CSMD1: variants seen among roughly 807,000 people sequenced by gnomAD.
The protein encoded by CSMD1 is CUB and sushi domain-containing protein 1.
A neutral mutation model predicts 417.5 loss-of-function variants in CSMD1; 213 were observed. That is an observed-to-expected ratio of 0.51 (90% CI 0.46 to 0.57). The LOEUF (loss-of-function observed/expected upper bound fraction) is 0.57, where lower values mean the gene tolerates loss of function less well. Ranked by LOEUF, CSMD1 falls within the 20% of genes least tolerant of loss-of-function variation. The probability of loss-of-function intolerance (pLI) is 0.00; values close to 1 mark genes in which losing one functional copy is unlikely to be tolerated. For synonymous variants in CSMD1, 2,862 were observed against 1,736.8 expected (o/e 1.65, Z -16.11); for missense variants, 6,923 against 4,529.7 (o/e 1.53, Z -15.17).
At chr8:4,449,345 TC>T (rs1267881334) in intron 2 of CSMD1, among the ~76,000 whole-genome samples, 1 of 152,162 alleles carries the variant, frequency 6.6e-6, no homozygotes, top group Non-Finnish European at 1.5e-5. Context: ...GTTTTAAGCC[TC>T]CCCCTCTCTT....
chr8:4,719,451 C>G (rs1808909361), intron 1 of CSMD1, among the ~76,000 whole-genome samples: 1 of 152,078 alleles, frequency 6.6e-6, no homozygotes, highest in Non-Finnish European at 1.5e-5. Flanking sequence ...GCATTTGCTG[C>G]TTCCTTTCTT....
intron 1 of CSMD1, among the ~76,000 whole-genome samples, chr8:4,767,052 T>C (rs953138471): frequency 1.3e-5 from 2 of 152,184 alleles, no homozygotes; most frequent in East Asian, 1.9e-4. Context: ...TTTCAGGAAA[T>C]ACTGCTTTAT....
chr8:4,335,778 A>G (rs533496487), intron 3 of CSMD1, among the ~76,000 whole-genome samples: 1 of 152,210 alleles, frequency 6.6e-6, no homozygotes, highest in South Asian at 2.1e-4. Context: ...CCTGAAGAGG[A>G]ACATACCACG....
chr8:4,295,498 A>G (rs956417695), intron 3 of CSMD1, among the ~76,000 whole-genome samples: 2 of 122,488 alleles, frequency 1.6e-5, no homozygotes, highest in African/African-American at 6.1e-5. Context: ...GATTAAATAT[A>G]TCTTATACAC....
At chr8:3,434,892 G>C (rs1161752524) in intron 12 of CSMD1, among the ~76,000 whole-genome samples, 1 of 152,200 alleles carries the variant, frequency 6.6e-6, no homozygotes, top group Non-Finnish European at 1.5e-5. Context: ...GAAATATCGG[G>C]AATACTTGTG....
intron 1 of CSMD1, among the ~76,000 whole-genome samples, chr8:4,882,537 T>G (rs1469873094): frequency 6.6e-6 from 1 of 151,760 alleles, no homozygotes; most frequent in Admixed American, 6.6e-5. Flanking sequence ...ATGGTTTCTG[T>G]CCGTGGCCTC....
intron 2 of CSMD1, among the ~76,000 whole-genome samples, chr8:4,459,875 A>T (rs1006514259): frequency 5.3e-5 from 8 of 152,320 alleles, no homozygotes; most frequent in African/African-American, 1.7e-4. Flanking sequence ...CTCAAAATAT[A>T]TAAAACAGAA....
rs1164168576 is a variant in CSMD1, at chr8:4,565,818, TAC to T, written c.302+71522_302+71523del. Among the ~76,000 whole-genome samples, 9 of 144,602 alleles carry T rather than the reference TAC, an allele frequency of 6.2e-5. No homozygotes were observed. The Admixed American group carries it at 6.3e-4, about 10-fold the overall frequency. The allele number at this position is 144,602 out of a possible 152,430, so 94.9% of individuals were successfully genotyped here. On this transcript the variant is annotated intron_variant, in intron 2 of 69. Transcript: ENST00000635120. ...TATATGTATACATATATATATTATA[TAC>T]ACACAGACACGCACACACACACAAA...
At position 3,263,206 on chromosome 8, in the gene CSMD1, C is replaced by T. The variant is rs538991634; in HGVS notation, c.4153+20938G>A. Among the ~76,000 whole-genome samples, 42 of 152,316 alleles carry T rather than the reference C, an allele frequency of 2.8e-4. No homozygotes were observed. The South Asian group carries it at 3.1e-3, about 11-fold the overall frequency. ...CCCTGCCTCCTGGGTTCAAGCGATT[C>T]TCCTGCCTCAGCCTCCCGAGTACCT... On this transcript the variant is annotated intron_variant, in intron 26 of 69. Transcript: ENST00000635120.
chr8:4,429,726 C>G (rs537338311), intron 2 of CSMD1, among the ~76,000 whole-genome samples: 2 of 152,146 alleles, frequency 1.3e-5, no homozygotes, highest in African/African-American at 4.8e-5. Flanking sequence ...AGAAGTGGGT[C>G]TCCTGTAACC....
At chr8:3,595,704 G>C (rs577278949) in intron 8 of CSMD1, among the ~76,000 whole-genome samples, 9 of 152,298 alleles carry the variant, frequency 5.9e-5, no homozygotes, top group African/African-American at 9.6e-5. Context: ...TTTTGTGTGA[G>C]GGAATTTGAT....
At chr8:3,531,418 A>C (rs2117510126) in intron 10 of CSMD1, among the ~76,000 whole-genome samples, 1 of 152,286 alleles carries the variant, frequency 6.6e-6, no homozygotes, top group East Asian at 1.9e-4. Flanking sequence ...CAATAGTAAC[A>C]TTATTCTATA....
intron 1 of CSMD1, among the ~76,000 whole-genome samples, chr8:4,741,779 G>A (rs1391775885): frequency 6.6e-6 from 1 of 152,028 alleles, no homozygotes; most frequent in Admixed American, 6.6e-5. Flanking sequence ...CCTGCAGGAT[G>A]CAAATCTGCT....
chr8:3,929,388 G>A (rs1320976798), intron 5 of CSMD1, among the ~76,000 whole-genome samples: 1 of 150,498 alleles, frequency 6.6e-6, no homozygotes, highest in Non-Finnish European at 1.5e-5. Context: ...AATGTTCACA[G>A]CCAAGGGTGA....
At chr8:4,128,020 C>A (rs750062537) in intron 3 of CSMD1, among the ~76,000 whole-genome samples, 1 of 152,184 alleles carries the variant, frequency 6.6e-6, no homozygotes, top group Non-Finnish European at 1.5e-5. Flanking sequence ...GCAAGTACCA[C>A]ATTTTATATT....
chr8:3,764,056 G>A (rs1184617115), intron 5 of CSMD1, among the ~76,000 whole-genome samples: 1 of 152,102 alleles, frequency 6.6e-6, no homozygotes, highest in Non-Finnish European at 1.5e-5. Flanking sequence ...AGGATTTCTG[G>A]AGGCCACAGG....
At chr8:3,347,821 A>C in intron 22 of CSMD1, among the ~76,000 whole-genome samples, 171 bp downstream of exon 22, 1 of 152,234 alleles carries the variant, frequency 6.6e-6, no homozygotes, top group Admixed American at 6.5e-5. Flanking sequence ...CACTGCTCTA[A>C]GCGAAGTGAC....
intron 3 of CSMD1, among the ~76,000 whole-genome samples, chr8:4,189,686 AAG>A (rs1798899125): frequency 6.6e-6 from 1 of 152,162 alleles, no homozygotes; most frequent in Non-Finnish European, 1.5e-5. Context: ...TTTGAACGGA[AAG>A]AGTGTTGAGA....
rs117113055 is a variant in CSMD1, at chr8:3,424,972, C to T, written c.1562-15367G>A. 1.4e-3 allele frequency among the ~76,000 whole-genome samples: 218 copies of T among 152,208 alleles called. 2 individuals are homozygous for T. The highest frequency in any genetic ancestry group is 2.2e-3 in the Non-Finnish European group (152 of 68,026). ...ACCTCAGCCCCTGGAGTGGCTGGGA[C>T]AACAGGTACATGCCACCACACCCAG... On this transcript the variant is annotated intron_variant, in intron 12 of 69. Transcript: ENST00000635120.
Sources: gnomAD v4.1 joint callset for allele counts (sites outside exome capture counted in the v4.1 genomes callset) on GRCh38, gnomAD v4.1.1 for gene constraint, MANE v1.5 for transcripts, NCBI Gene and HGNC (gene_info 2026-07-23, HGNC 2026-07-21) for gene names.